SMAD3: variants seen among roughly 807,000 people sequenced by gnomAD.
SMAD3 encodes SMAD family member 3, also known as MAD homolog 3.
In SMAD3, 12 loss-of-function variants were observed where a neutral mutation model predicts 51.8. The ratio of observed to expected loss-of-function variants is 0.23; its 90% CI spans 0.15 to 0.38. The LOEUF (loss-of-function observed/expected upper bound fraction) is 0.38. Among genes scored for constraint, SMAD3 ranks in the 10% least tolerant of loss-of-function variants. The pLI, the probability that SMAD3 is intolerant of heterozygous loss-of-function variation, is 1.00. For missense variants in SMAD3, 294 were observed against 565.6 expected, an observed-to-expected ratio of 0.52 and a Z score of 4.87; for synonymous variants, 238 against 227.7, an observed-to-expected ratio of 1.05 and a Z score of -0.41.
At chr15:67,098,890 C>T (rs759646632) in intron 1 of SMAD3, 4 of 702,166 alleles carry the variant, frequency 5.7e-6, no homozygotes, top group South Asian at 3.0e-5. Flanking sequence ...GGGTGGACTC[C>T]GTTCCTGAGG....
chr15:67,141,275 G>C (rs1278324251), intron 1 of SMAD3, among the ~76,000 whole-genome samples: 1 of 152,200 alleles, frequency 6.6e-6, no homozygotes, highest in African/African-American at 2.4e-5. Context: ...CGTACTATCT[G>C]TGTTGTGCCA....
chr15:67,132,913 T>G (rs1320717188), intron 1 of SMAD3, among the ~76,000 whole-genome samples: 1 of 152,202 alleles, frequency 6.6e-6, no homozygotes, highest in Non-Finnish European at 1.5e-5. Context: ...CTCCACAGTT[T>G]AAAACAGCCC....
chr15:67,167,937 A>G (rs1363787543), intron 4 of SMAD3, among the ~76,000 whole-genome samples: 4 of 152,194 alleles, frequency 2.6e-5, no homozygotes, highest in Admixed American at 6.5e-5. Flanking sequence ...CACACAGCCC[A>G]GAAGAGATTG....
chr15:67,082,439 G>T (rs1046477201), intron 1 of SMAD3, among the ~76,000 whole-genome samples: 5 of 152,188 alleles, frequency 3.3e-5, no homozygotes, highest in African/African-American at 1.2e-4. Context: ...GCACAGCGCT[G>T]AGAGCCTCCT....
At chr15:67,112,159 T>TTTTTTTTTTC (rs1219365881) in intron 1 of SMAD3, among the ~76,000 whole-genome samples, 1 of 125,810 alleles carries the variant, frequency 7.9e-6, no homozygotes, top group African/African-American at 3.0e-5. Flanking sequence ...CTTTCCTTTT[T>TTTTTTTTTTC]TTTTTTTGAG....
intron 1 of SMAD3, among the ~76,000 whole-genome samples, chr15:67,088,795 C>T (rs148586558): frequency 0.06 from 9,118 of 152,142 alleles, 617 homozygotes; most frequent in East Asian, 0.21. Context: ...GGTGTGGTGG[C>T]GGGTGCCTGT....
chr15:67,168,942 C>T (rs1962669040), intron 4 of SMAD3, among the ~76,000 whole-genome samples: 1 of 152,198 alleles, frequency 6.6e-6, no homozygotes, highest in African/African-American at 2.4e-5. Flanking sequence ...CCCCATGTCC[C>T]TTCACCTACA....
chr15:67,081,930 T>C (rs72743423), intron 1 of SMAD3, among the ~76,000 whole-genome samples: 13,573 of 151,956 alleles, frequency 0.089, 921 homozygotes, highest in East Asian at 0.24. Flanking sequence ...TAAATTTTAT[T>C]TGGGTTAGTG....
rs1376112007 is a variant in SMAD3, at chr15:67,191,639, A to G, written c.*1103A>G. The G allele has an allele frequency of 8.6e-6, 2 of 232,990 alleles. No homozygotes were observed. The highest frequency in any genetic ancestry group is 1.7e-5 in the Non-Finnish European group (2 of 117,826). The allele number at this position is 232,990 out of a possible 1,614,324, so 14.4% of individuals were successfully genotyped here. ...CTCTCTCCTGAGGTGAAGCTTTTCC[A>G]GGTTTTGTTGAAGAGATACCTGCCA... On this transcript the variant is annotated 3_prime_UTR_variant, in exon 9 of 9. Transcript: ENST00000327367.
Position 67,177,669 on chromosome 15 carries a change from T to C in SMAD3, c.659-3572T>C, listed in dbSNP as rs193185714. ...AAATCCTGACCTCAAGTGATCTGCC[T>C]GCCTTGGCCTCCCAAAGTGCTTGGG... On this transcript the variant is annotated intron_variant, in intron 5 of 8. Transcript: ENST00000327367. Among the ~76,000 whole-genome samples the C allele has an allele frequency of 6.6e-3, 998 of 152,066 alleles. 4 individuals carry two copies. The highest frequency in any genetic ancestry group is 0.011 in the Non-Finnish European group (769 of 67,960).
chr15:67,126,221 G>A (rs1054738206), intron 1 of SMAD3, among the ~76,000 whole-genome samples: 4 of 152,098 alleles, frequency 2.6e-5, no homozygotes, highest in Admixed American at 6.6e-5. Context: ...ACCATCTTGC[G>A]AGGTGTCAGG....
At chr15:67,182,459 A>G (rs1002310748) in intron 6 of SMAD3, among the ~76,000 whole-genome samples, 1 of 152,160 alleles carries the variant, frequency 6.6e-6, no homozygotes, top group Non-Finnish European at 1.5e-5. Flanking sequence ...TGGAGCCCCA[A>G]GGGTTGGCAA....
chr15:67,187,881 C>T (rs1232172834), intron 8 of SMAD3, among the ~76,000 whole-genome samples: 1 of 152,152 alleles, frequency 6.6e-6, no homozygotes, highest in Non-Finnish European at 1.5e-5. Context: ...TAGAACTCTG[C>T]CCTCTTGGCT....
intron 5 of SMAD3, among the ~76,000 whole-genome samples, chr15:67,180,817 G>A (rs918100002): frequency 6.6e-6 from 1 of 152,040 alleles, no homozygotes; most frequent in African/African-American, 2.4e-5. Flanking sequence ...TGTGCAGGAG[G>A]TGTGGCCTGC....
chr15:67,186,969 C>T, intron 7 of SMAD3: 3 of 433,926 alleles, frequency 6.9e-6, no homozygotes. Flanking sequence ...ACAGCATGGG[C>T]AACCTGGCCC....
At chr15:67,161,232 C>T (rs546787406) in intron 1 of SMAD3, among the ~76,000 whole-genome samples, 43 of 152,300 alleles carry the variant, frequency 2.8e-4, no homozygotes, top group Admixed American at 7.2e-4. Flanking sequence ...GCCAGTCGTC[C>T]ATATATATGT....
At chr15:67,107,136 A>G (rs559777820) in intron 1 of SMAD3, among the ~76,000 whole-genome samples, 1 of 151,864 alleles carries the variant, frequency 6.6e-6, no homozygotes, top group East Asian at 1.9e-4. Context: ...CCCTCAATAA[A>G]TGTTTACTGA....
chr15:67,110,652 C>G (rs1406126946), intron 1 of SMAD3, among the ~76,000 whole-genome samples: 3 of 152,204 alleles, frequency 2.0e-5, no homozygotes, highest in Non-Finnish European at 4.4e-5. Flanking sequence ...TGTGGGCTAC[C>G]CTGGTTGCAA....
At chr15:67,095,414 C>T (rs1960594361) in intron 1 of SMAD3, among the ~76,000 whole-genome samples, 1 of 152,144 alleles carries the variant, frequency 6.6e-6, no homozygotes, top group African/African-American at 2.4e-5. Context: ...GGAAGTGTGT[C>T]TTGAGCCTGT....
Sources: gnomAD v4.1 joint callset for allele counts (sites outside exome capture counted in the v4.1 genomes callset) on GRCh38, gnomAD v4.1.1 for gene constraint, MANE v1.5 for transcripts, NCBI Gene and HGNC (gene_info 2026-07-23, HGNC 2026-07-21) for gene names.